SLC26A7: variants seen among roughly 807,000 people sequenced by gnomAD.
SLC26A7 encodes the protein anion exchange transporter.
SLC26A7 carries 59 observed loss-of-function variants against 82.5 expected under a neutral mutation model. That is an observed-to-expected ratio of 0.72 (90% CI 0.58 to 0.89). The LOEUF (loss-of-function observed/expected upper bound fraction) is 0.89, where lower values mean the gene tolerates loss of function less well. Ranked by LOEUF, SLC26A7 falls within the 40% of genes least tolerant of loss-of-function variation. SLC26A7 has a pLI of 0.00. For synonymous variants in SLC26A7, 271 were observed against 274.3 expected, an observed-to-expected ratio of 0.99 and a Z score of 0.12; for missense variants, 820 against 793.0, an observed-to-expected ratio of 1.03 and a Z score of -0.41.
intron 11 of SLC26A7, among the ~76,000 whole-genome samples, chr8:91,360,561 C>A (rs1262801277): frequency 6.6e-6 from 1 of 152,090 alleles, no homozygotes; most frequent in African/African-American, 2.4e-5. Flanking sequence ...AATAAGTAAG[C>A]ATTTGGAAAG....
At chr8:91,284,735 C>A (rs1811664861) in intron 2 of SLC26A7, among the ~76,000 whole-genome samples, 1 of 152,142 alleles carries the variant, frequency 6.6e-6, no homozygotes, top group Non-Finnish European at 1.5e-5. Flanking sequence ...AACCTCATAA[C>A]CTTCTTTAGA....
At chr8:91,323,804 CTCTTTTT>C (rs1019894727) in intron 5 of SLC26A7, among the ~76,000 whole-genome samples, 6 of 144,952 alleles carry the variant, frequency 4.1e-5, no homozygotes, top group Non-Finnish European at 6.0e-5. Flanking sequence ...CTTTCCCTTT[CTCTTTTT>C]TCTTATCTTT....
intron 2 of SLC26A7, among the ~76,000 whole-genome samples, chr8:91,272,168 TAGTC>T (rs1454029828): frequency 4.6e-5 from 7 of 152,226 alleles, no homozygotes; most frequent in South Asian, 4.1e-4. Context: ...ATCTACCTGA[TAGTC>T]AGGACCTTCC....
At chr8:91,346,958 C>T (rs146333919) in intron 9 of SLC26A7, among the ~76,000 whole-genome samples, 3 of 152,270 alleles carry the variant, frequency 2.0e-5, no homozygotes, top group African/African-American at 7.2e-5. Context: ...TTGTCAGCGT[C>T]CTTAGTGCTA....
intron 2 of SLC26A7, among the ~76,000 whole-genome samples, chr8:91,269,845 C>A (rs996306815): frequency 6.6e-6 from 1 of 151,894 alleles, no homozygotes; most frequent in Admixed American, 6.6e-5. Context: ...CTTAGTCTTT[C>A]CTCTGTTTCA....
intron 11 of SLC26A7, among the ~76,000 whole-genome samples, chr8:91,360,732 A>G (rs551482891): frequency 6.6e-6 from 1 of 152,252 alleles, no homozygotes; most frequent in South Asian, 2.1e-4. Flanking sequence ...TGCCATATTG[A>G]ATCACGGAGG....
At chr8:91,364,580 A>C (rs890688757) in intron 13 of SLC26A7, among the ~76,000 whole-genome samples, 1 of 152,088 alleles carries the variant, frequency 6.6e-6, no homozygotes, top group African/African-American at 2.4e-5. Context: ...AAAGCCCCAG[A>C]CTGACTTTTG....
At chr8:91,357,619 TA>T (rs1441351026) in intron 11 of SLC26A7, among the ~76,000 whole-genome samples, 4 of 152,186 alleles carry the variant, frequency 2.6e-5, no homozygotes, top group Admixed American at 2.6e-4. Context: ...CAAGATGGAT[TA>T]AAGACTTAAA....
chr8:91,297,047 C>G (rs943598947), intron 4 of SLC26A7, among the ~76,000 whole-genome samples: 1 of 152,108 alleles, frequency 6.6e-6, no homozygotes, highest in East Asian at 1.9e-4. Flanking sequence ...AATAAAAAAT[C>G]TTTGTATTAA....
At chr8:91,283,534 TC>T (rs1350332669) in intron 2 of SLC26A7, among the ~76,000 whole-genome samples, 3 of 152,202 alleles carry the variant, frequency 2.0e-5, no homozygotes, top group Admixed American at 2.0e-4. Flanking sequence ...TCATTTCTTT[TC>T]TTTCGGTCTT....
At chr8:91,248,650 A>T (rs1810581938), upstream of SLC26A7, among the ~76,000 whole-genome samples, 1 of 152,146 alleles carries the variant, frequency 6.6e-6, no homozygotes, top group African/African-American at 2.4e-5. Flanking sequence ...TATTAAAAAG[A>T]GAACACCTAC....
Position 91,343,445 on chromosome 8 carries a change from C to G in SLC26A7, c.1119C>G (p.Tyr373Ter). 6.2e-7 allele frequency: 1 copy of G among 1,612,092 alleles called. No homozygotes were observed. Among genetic ancestry groups the G allele is most frequent in the Non-Finnish European group, 8.5e-7 (1 of 1,179,764 alleles). ...CCATGGGAAGGACGGCTGGCCTGTA[C>G]AGCACAGGAGCGAAGACACAGGTAA... Reference protein sequence around the residue: ...AAAMGRTAGLYSTGAKTQVAC... With the variant: ...AAAMGRTAGL The change falls in exon 9 of 19, where the codon TAC (tyrosine) becomes TAG (stop). Residue 373 changes from tyrosine to a stop codon, truncating the protein, a stop_gained. Transcript: ENST00000276609. LOFTEE classifies it high-confidence loss of function.
At chr8:91,277,263 C>T (rs779454112) in intron 2 of SLC26A7, among the ~76,000 whole-genome samples, 2 of 152,210 alleles carry the variant, frequency 1.3e-5, no homozygotes, top group Non-Finnish European at 2.9e-5. Flanking sequence ...GCATTATCTC[C>T]TGAACATCTC....
chr8:91,243,670 G>A (rs1228751374), intron 2 of SLC26A7, among the ~76,000 whole-genome samples: 5 of 152,144 alleles, frequency 3.3e-5, no homozygotes, highest in Non-Finnish European at 5.9e-5. Context: ...ATTAAAATGA[G>A]TAATCTTAGG....
intron 5 of SLC26A7, among the ~76,000 whole-genome samples, chr8:91,322,615 G>A (rs1812823024): frequency 6.6e-6 from 1 of 152,114 alleles, no homozygotes; most frequent in Non-Finnish European, 1.5e-5. Flanking sequence ...TTCCTAGTTC[G>A]TATTAGCACA....
chr8:91,269,873 G>A (rs559367347), intron 2 of SLC26A7, among the ~76,000 whole-genome samples: 1 of 152,036 alleles, frequency 6.6e-6, no homozygotes, highest in East Asian at 1.9e-4. Context: ...TACTGTGGAA[G>A]CTTTGTACTG....
Position 91,335,548 on chromosome 8 carries a change from G to A in SLC26A7, c.795+1101G>A, listed in dbSNP as rs769324130. Among the ~76,000 whole-genome samples, 11 of 152,030 alleles carry A rather than the reference G, an allele frequency of 7.2e-5. 1 individual carries two copies. Among genetic ancestry groups the A allele is most frequent in the South Asian group, 2.1e-4 (1 of 4,814 alleles). On this transcript the variant is annotated intron_variant, in intron 6 of 18. Coordinates refer to ENST00000276609, the MANE Select transcript of SLC26A7 (RefSeq NM_052832.4). ...TTATTATATCTTGGGAAGCTATATCGCATGTTTCATAAAACTAAAAATTGA... is the reference window on the plus strand; with the variant it reads ...TTATTATATCTTGGGAAGCTATATCACATGTTTCATAAAACTAAAAATTGA...
intron 2 of SLC26A7, among the ~76,000 whole-genome samples, chr8:91,229,517 T>C (rs1810284486): frequency 1.3e-5 from 2 of 152,228 alleles, no homozygotes; most frequent in African/African-American, 2.4e-5. Context: ...TAAATATCTA[T>C]TTATTCCTCT....
chr8:91,355,982 A>AT (rs1009860754), intron 11 of SLC26A7, among the ~76,000 whole-genome samples: 9 of 151,468 alleles, frequency 5.9e-5, no homozygotes, highest in African/African-American at 2.2e-4. Context: ...ACAGTGTTTG[A>AT]TTTTTTTGTC....
Sources: allele counts gnomAD v4.1 joint callset (sites outside exome capture counted in the v4.1 genomes callset), GRCh38; gene constraint gnomAD v4.1.1; transcripts MANE v1.5; gene names NCBI Gene and HGNC (gene_info 2026-07-23, HGNC 2026-07-21).